ARMC2: variants seen among roughly 807,000 people sequenced by gnomAD.
The protein encoded by ARMC2 is armadillo repeat containing 2.
In ARMC2, 67 loss-of-function variants were observed where a neutral mutation model predicts 90.3. The observed-to-expected ratio is 0.74, with a 90% confidence interval of 0.61 to 0.91. The LOEUF is 0.91. Among genes scored for constraint, ARMC2 ranks in the 40% least tolerant of loss-of-function variants. The pLI, the probability that ARMC2 is intolerant of heterozygous loss-of-function variation, is 0.00. For synonymous variants in ARMC2, 393 were observed against 393.0 expected, an observed-to-expected ratio of 1.00 and a Z score of 0.00; for missense variants, 920 against 1,030.9, an observed-to-expected ratio of 0.89 and a Z score of 1.47.
intron 10 of ARMC2, among the ~76,000 whole-genome samples, chr6:108,923,639 C>A (rs1036950080): frequency 2.2e-5 from 3 of 137,460 alleles, no homozygotes; most frequent in Non-Finnish European, 4.7e-5. Flanking sequence ...TTTTTTCCTG[C>A]ATTTTTTCCA....
chr6:108,990,584 G>T, the ARMC2 span: 2 of 1,470,130 alleles, frequency 1.4e-6, no homozygotes, highest in Non-Finnish European at 1.9e-6. Context: ...TGCGCTCCAA[G>T]CACTTGAATA....
intron 7 of ARMC2, among the ~76,000 whole-genome samples, chr6:108,903,341 A>T (rs1309822345): frequency 6.6e-6 from 1 of 152,070 alleles, no homozygotes; most frequent in East Asian, 1.9e-4. Context: ...CCTGGCATCA[A>T]GCAACCCTCC....
chr6:109,017,373 C>T, the ARMC2 span, among the ~76,000 whole-genome samples: 1 of 152,162 alleles, frequency 6.6e-6, no homozygotes, highest in Non-Finnish European at 1.5e-5. Context: ...GCAAGCTCCA[C>T]TGCCCGGGTT....
chr6:108,979,867 A>C, the ARMC2 span, among the ~76,000 whole-genome samples: 1 of 151,344 alleles, frequency 6.6e-6, no homozygotes, highest in African/African-American at 2.4e-5. Context: ...TCTTCTATAA[A>C]CTTATTCTAG....
intron 13 of ARMC2, among the ~76,000 whole-genome samples, chr6:108,959,911 C>G (rs973985922): frequency 6.6e-6 from 1 of 152,058 alleles, no homozygotes; most frequent in Non-Finnish European, 1.5e-5. Context: ...GTCTCATACT[C>G]CTGACCTCAA....
chr6:108,889,764 A>T (rs1047126871), intron 5 of ARMC2, among the ~76,000 whole-genome samples: 1 of 151,470 alleles, frequency 6.6e-6, no homozygotes, highest in Non-Finnish European at 1.5e-5. Context: ...TATTCTTTTA[A>T]GGCCCATTTT....
chr6:108,899,819 AC>A, intron 7 of ARMC2, 27 bp downstream of exon 7: 1 of 1,556,674 alleles, frequency 6.4e-7, no homozygotes, highest in South Asian at 1.2e-5. Flanking sequence ...CAAACAAAAA[AC>A]CGTTTTTGTT....
At chr6:108,850,539 A>C (rs1021183826) in intron 1 of ARMC2, among the ~76,000 whole-genome samples, 8 of 152,108 alleles carry the variant, frequency 5.3e-5, no homozygotes, top group African/African-American at 1.9e-4. Context: ...ATTGAGTCCT[A>C]CTCTGTGCCA....
chr6:108,996,453 A>C, the ARMC2 span, among the ~76,000 whole-genome samples: 5 of 152,200 alleles, frequency 3.3e-5, no homozygotes, highest in Non-Finnish European at 7.3e-5. Flanking sequence ...AAAGTTTAAA[A>C]AAGATCTCTG....
At chr6:108,971,920 CAA>C (rs1205056763) in intron 17 of ARMC2, among the ~76,000 whole-genome samples, 38 of 73,648 alleles carry the variant, frequency 5.2e-4, no homozygotes, top group Middle Eastern at 6.9e-3. Context: ...GAGTCCATCT[CAA>C]AAAAAAAAAA....
chr6:108,964,260 A>G lies in ARMC2; in HGVS notation c.2233A>G (p.Thr745Ala). Residue 745 changes from threonine to alanine, a missense_variant, in exon 16 of 18, where the codon ACT becomes GCT. Thr to Ala is a moderately conservative substitution (Grantham distance 58). Coordinates refer to ENST00000392644, the MANE Select transcript of ARMC2 (RefSeq NM_032131.6). ...TGCCTGTGGTGTTCTCCTCAATCTC[A>G]CTGTGGATAAAGACAAGCGTGTCAT... is the stretch of plus-strand genomic sequence containing the variant. ...FSACGVLLNL[T>A]VDKDKRVILK... 1 of 1,613,892 alleles carries G rather than the reference A, an allele frequency of 6.2e-7. No individual in the cohort carries two copies. Among genetic ancestry groups the G allele is most frequent in the Non-Finnish European group, 8.5e-7 (1 of 1,179,854 alleles).
chr6:108,942,850 A>C (rs1254652626), intron 12 of ARMC2, among the ~76,000 whole-genome samples: 1 of 152,358 alleles, frequency 6.6e-6, no homozygotes, highest in East Asian at 1.9e-4. Context: ...TTTTAAATCA[A>C]ATCATGTTTA....
chr6:108,869,079 T>G, intron 4 of ARMC2, 84 bp downstream of exon 4: 1 of 1,395,230 alleles, frequency 7.2e-7, no homozygotes, highest in Non-Finnish European at 9.5e-7. Flanking sequence ...ATATGATTTT[T>G]CCTAACCCTG....
chr6:109,012,062 C>T, the ARMC2 span, among the ~76,000 whole-genome samples: 3 of 152,158 alleles, frequency 2.0e-5, no homozygotes, highest in African/African-American at 7.2e-5. Flanking sequence ...AGGTGCTGCT[C>T]CTCTCAACCT....
chr6:108,858,482 G>T (rs1254187794), intron 3 of ARMC2, among the ~76,000 whole-genome samples: 2 of 151,760 alleles, frequency 1.3e-5, no homozygotes, highest in African/African-American at 4.8e-5. Context: ...CCTATAGTTT[G>T]ATAATAAAGA....
At chr6:108,869,965 A>G (rs1329161407) in intron 4 of ARMC2, among the ~76,000 whole-genome samples, 1 of 152,236 alleles carries the variant, frequency 6.6e-6, no homozygotes, top group Non-Finnish European at 1.5e-5. Flanking sequence ...ATGACACACG[A>G]TAGGGGTAAG....
At chr6:108,868,474 C>T (rs1259668380) in intron 3 of ARMC2, among the ~76,000 whole-genome samples, 2 of 152,178 alleles carry the variant, frequency 1.3e-5, no homozygotes, top group Non-Finnish European at 2.9e-5. Context: ...GCCTCGGCCT[C>T]CCAAAGTGCT....
Position 108,907,458 on chromosome 6 carries a change from CTTTT to C in ARMC2, c.1023+3069_1023+3072del, listed in dbSNP as rs759986578. Among the ~76,000 whole-genome samples the C allele has an allele frequency of 1.6e-3, 170 of 104,450 alleles. 1 individual carries two copies. The highest frequency in any genetic ancestry group is 5.9e-3 in the Admixed American group (57 of 9,724). The allele number at this position is 104,450 out of a possible 152,430, so 68.5% of individuals were successfully genotyped here. ...AAATGTTCTTCTGTTTTCTTTCTTTCTTTTTTTTTTTTTTTTTTTACCAGTCATC... is the reference window on the plus strand; with the variant it reads ...AAATGTTCTTCTGTTTTCTTTCTTTCTTTTTTTTTTTTTTTACCAGTCATC... On this transcript the variant is annotated intron_variant, in intron 8 of 17. Transcript: ENST00000392644.
the ARMC2 span, among the ~76,000 whole-genome samples, chr6:108,985,727 G>T: frequency 6.6e-6 from 1 of 152,166 alleles, no homozygotes; most frequent in Non-Finnish European, 1.5e-5. Flanking sequence ...GAGGAACAAA[G>T]AGCAGAAATG....
Sources: gnomAD v4.1 joint callset for allele counts (sites outside exome capture counted in the v4.1 genomes callset) on GRCh38, gnomAD v4.1.1 for gene constraint, MANE v1.5 for transcripts, NCBI Gene and HGNC (gene_info 2026-07-23, HGNC 2026-07-21) for gene names.